Variants in NCEH1 observed in about 807,000 individuals in gnomAD.
NCEH1 encodes 2-acetyl MAGE hydrolase.
Under a neutral mutation model 25.4 loss-of-function variants are expected in NCEH1, and 9 were observed. The ratio of observed to expected loss-of-function variants is 0.35; its 90% CI spans 0.21 to 0.62. The LOEUF (loss-of-function observed/expected upper bound fraction) is 0.62, where lower values mean the gene tolerates loss of function less well. NCEH1 is among the 20% of genes least tolerant of loss of function. The pLI, the probability that NCEH1 is intolerant of heterozygous loss-of-function variation, is 0.72. For missense variants in NCEH1, 412 were observed against 501.1 expected (o/e 0.82, Z 1.70); for synonymous variants, 200 against 199.8 (o/e 1.00, Z -0.01).
intron 1 of NCEH1, among the ~76,000 whole-genome samples, chr3:172,658,683 C>G (rs561734247): frequency 9.9e-5 from 15 of 152,228 alleles, no homozygotes; most frequent in South Asian, 6.2e-4. Context: ...ATAACAAAAT[C>G]TAGCTCAGAG....
At position 172,652,848 on chromosome 3, in the gene NCEH1, A is replaced by G. The variant is rs1577061469; in HGVS notation, c.139-4734T>C. Among the ~76,000 whole-genome samples, 5 of 149,472 alleles carry G rather than the reference A, an allele frequency of 3.3e-5. No individual in the cohort carries two copies. In the South Asian group the frequency reaches 8.4e-4, roughly 25 times the overall value. ...ATAGCTGGGATTACAGATGCCTACC[A>G]CCACACCTGGCTAATTTTTGTATTT... On this transcript the variant is annotated intron_variant, in intron 1 of 4. Transcript: ENST00000475381.
chr3:172,647,727 T>A, intron 2 of NCEH1, 159 bp downstream of exon 2: 1 of 858,232 alleles, frequency 1.2e-6, no homozygotes, highest in Non-Finnish European at 1.8e-6. Context: ...AAGGGGGCAC[T>A]AGTCATAATT....
At chr3:172,672,289 C>T (rs536208090) in intron 1 of NCEH1, among the ~76,000 whole-genome samples, 12 of 152,276 alleles carry the variant, frequency 7.9e-5, no homozygotes, top group East Asian at 1.9e-4. Flanking sequence ...TAGTTTCAAA[C>T]GCCCGACCTC....
intron 1 of NCEH1, among the ~76,000 whole-genome samples, chr3:172,655,640 G>A (rs183507765): frequency 3.9e-5 from 6 of 152,280 alleles, no homozygotes; most frequent in South Asian, 2.1e-4. Context: ...ATCAAAGTCC[G>A]CTTTCCTATT....
At chr3:172,667,923 A>G (rs1269735875) in intron 1 of NCEH1, among the ~76,000 whole-genome samples, 1 of 152,230 alleles carries the variant, frequency 6.6e-6, no homozygotes, top group African/African-American at 2.4e-5. Flanking sequence ...CAGTTCCCCA[A>G]AAGTTAAAGA....
rs111872987 is a variant in NCEH1 at position 172,638,443 on chromosome 3, T to C, written c.438-2356A>G. On this transcript the variant is annotated intron_variant, in intron 3 of 4. Coordinates refer to ENST00000475381, the MANE Select transcript of NCEH1 (RefSeq NM_020792.6). The stretch of plus-strand genomic sequence containing the variant: ...TCACTATGTATGAAAGCTGCTGCTA[T>C]ATAATCTATATAATTCCATTTGAGC... Among the ~76,000 whole-genome samples the C allele has an allele frequency of 9.6e-3, 1,448 of 151,158 alleles. 17 individuals carry two copies. Among genetic ancestry groups the C allele is most frequent in the African/African-American group, 0.033 (1,347 of 41,136 alleles).
chr3:172,710,919 C>T lies in NCEH1; in HGVS notation c.66G>A (p.Pro22=). The T allele has an allele frequency of 6.2e-7, 1 of 1,614,064 alleles. No homozygotes were observed. Among genetic ancestry groups the T allele is most frequent in the Middle Eastern group, 1.6e-4 (1 of 6,062 alleles). ...VALAAYYVYI[P]LPGSVSDPWK... is the part of the protein sequence containing the mutation. ...AGGGGTCGGACACGGAGCCAGGCAGCGGGATGTAGACGTAATAGGCGGCCA... is the reference window on the plus strand; with the variant it reads ...AGGGGTCGGACACGGAGCCAGGCAGTGGGATGTAGACGTAATAGGCGGCCA... Residue 22 remains proline (P), a synonymous_variant, in exon 1 of 5, where the codon CCG becomes CCA. Transcript: ENST00000475381.
intron 1 of NCEH1, among the ~76,000 whole-genome samples, chr3:172,649,613 A>G (rs998933431): frequency 2.6e-5 from 4 of 152,256 alleles, no homozygotes; most frequent in South Asian, 2.1e-4. Context: ...GTAAATTGGA[A>G]GAAGGCAATT....
chr3:172,696,619 C>T (rs751688423), intron 1 of NCEH1, among the ~76,000 whole-genome samples: 1 of 152,180 alleles, frequency 6.6e-6, no homozygotes, highest in Non-Finnish European at 1.5e-5. Flanking sequence ...TGTTCAAGGT[C>T]ACACAGCTAG....
At chr3:172,678,879 G>C (rs1431602810) in intron 1 of NCEH1, among the ~76,000 whole-genome samples, 1 of 152,078 alleles carries the variant, frequency 6.6e-6, no homozygotes, top group African/African-American at 2.4e-5. Context: ...TAAAGAAATA[G>C]CACTTGAACA....
chr3:172,693,794 T>G (rs1036347491), intron 1 of NCEH1, among the ~76,000 whole-genome samples: 1 of 152,252 alleles, frequency 6.6e-6, no homozygotes. Context: ...TTTTGGTCAG[T>G]AGAAACCTCT....
chr3:172,650,487 CA>C lies in NCEH1; in HGVS notation c.139-2374del, dbSNP rs34528918. Among the ~76,000 whole-genome samples the C allele has an allele frequency of 2.0e-3, 287 of 145,900 alleles. 1 individual carries two copies. Among genetic ancestry groups the C allele is most frequent in the Middle Eastern group, 7.1e-3 (2 of 282 alleles). On this transcript the variant is annotated intron_variant, in intron 1 of 4. Transcript: ENST00000475381. Reference sequence around the variant, plus strand: ...TGAAACCCTGTCTCTACTAAAAATACAAAAAAAAAAAATCAGCCGGGCATGG... The same window carrying C: ...TGAAACCCTGTCTCTACTAAAAATACAAAAAAAAAAATCAGCCGGGCATGG...
At chr3:172,710,805 G>GT (rs760622204) in intron 1 of NCEH1, 42 bp downstream of exon 1, 3 of 1,606,924 alleles carry the variant, frequency 1.9e-6, no homozygotes, top group South Asian at 2.2e-5. Flanking sequence ...CAAATATTGC[G>GT]TAAGAGGAGG....
chr3:172,693,812 C>A lies in NCEH1; in HGVS notation c.138+17035G>T, dbSNP rs1312753434. Among the ~76,000 whole-genome samples, 4 of 152,292 alleles carry A rather than the reference C, an allele frequency of 2.6e-5. No individual in the cohort carries two copies. In the South Asian group the frequency reaches 8.3e-4, roughly 32 times the overall value. The stretch of plus-strand genomic sequence containing the variant: ...TGGTCAGTAGAAACCTCTGTGGCTG[C>A]CAAGAACCAAATGTGGCACATGGAG... On this transcript the variant is annotated intron_variant, in intron 1 of 4. Coordinates refer to ENST00000475381, the MANE Select transcript of NCEH1 (RefSeq NM_020792.6).
At chr3:172,641,642 C>CT (rs1560180110) in intron 3 of NCEH1, among the ~76,000 whole-genome samples, 2 of 152,250 alleles carry the variant, frequency 1.3e-5, no homozygotes, top group Admixed American at 1.3e-4. Flanking sequence ...AAGAACCAAG[C>CT]GTCCACCATC....
rs1716447664 is a variant in NCEH1, at chr3:172,633,289, T to G, written c.*186A>C. 2 of 641,968 alleles carry G rather than the reference T, an allele frequency of 3.1e-6. No homozygotes were observed. The highest frequency in any genetic ancestry group is 6.1e-5 in the Admixed American group (2 of 32,754). 39.8% of individuals were successfully genotyped at this position (641,968 alleles called of 1,614,324 possible). ...GGAACCAAATTTACATGTTTTGCAC[T>G]TAAGTTAGTCAAATTCATTTTTAAA... On this transcript the variant is annotated 3_prime_UTR_variant, in exon 5 of 5. Coordinates refer to ENST00000475381, the MANE Select transcript of NCEH1 (RefSeq NM_020792.6).
chr3:172,678,332 G>A (rs1342736895), intron 1 of NCEH1, among the ~76,000 whole-genome samples: 1 of 152,206 alleles, frequency 6.6e-6, no homozygotes, highest in Non-Finnish European at 1.5e-5. Context: ...CTTGGCCTGA[G>A]GCATTACAAG....
chr3:172,663,695 G>C (rs1718072266), intron 1 of NCEH1, among the ~76,000 whole-genome samples: 1 of 152,132 alleles, frequency 6.6e-6, no homozygotes, highest in African/African-American at 2.4e-5. Context: ...TTGTTGAATT[G>C]ATCCCTTTAC....
Position 172,672,458 on chromosome 3 carries a change from C to T in NCEH1, c.139-24344G>A, listed in dbSNP as rs1413664174. On this transcript the variant is annotated intron_variant, in intron 1 of 4. Coordinates refer to ENST00000475381, the MANE Select transcript of NCEH1 (RefSeq NM_020792.6). ...TAAACTGTCTATAATAGACCAAAAG[C>T]CAGATGAGAATCCTGTGGCCTTTAT... 3.9e-5 allele frequency among the ~76,000 whole-genome samples: 6 copies of T among 152,238 alleles called. No homozygotes were observed. In the East Asian group the frequency reaches 1.2e-3, roughly 29 times the overall value.
Sources: allele counts gnomAD v4.1 joint callset (sites outside exome capture counted in the v4.1 genomes callset), GRCh38; gene constraint gnomAD v4.1.1; transcripts MANE v1.5; gene names NCBI Gene and HGNC (gene_info 2026-07-23, HGNC 2026-07-21).